ARHGAP29: variants seen among roughly 807,000 people sequenced by gnomAD.
ARHGAP29 encodes the protein rho GTPase-activating protein 29.
ARHGAP29 carries 43 observed loss-of-function variants against 122.6 expected under a neutral mutation model. The observed-to-expected ratio is 0.35, with a 90% CI of 0.27 to 0.45. The LOEUF is 0.45. ARHGAP29 is among the 20% of genes least tolerant of loss of function. ARHGAP29 has a pLI of 1.00. For missense variants in ARHGAP29, 1,303 were observed against 1,477.2 expected, an observed-to-expected ratio of 0.88 and a Z score of 1.93; for synonymous variants, 506 against 497.1, an observed-to-expected ratio of 1.02 and a Z score of -0.24.
chr1:94,209,111 G>A (rs1401846290), intron 4 of ARHGAP29, 143 bp downstream of exon 4: 3 of 775,652 alleles, frequency 3.9e-6, no homozygotes, highest in East Asian at 2.7e-5. Context: ...TAGTAATAAG[G>A]CCATACAGAA....
At chr1:94,223,291 T>C (rs1159258458) in intron 2 of ARHGAP29, among the ~76,000 whole-genome samples, 2 of 152,170 alleles carry the variant, frequency 1.3e-5, no homozygotes, top group Non-Finnish European at 2.9e-5. Flanking sequence ...TAGGTTTACT[T>C]AGTTGAGGCA....
chr1:94,186,655 G>C, intron 15 of ARHGAP29, 58 bp from the exon 16 acceptor site: 2 of 1,262,068 alleles, frequency 1.6e-6, no homozygotes, highest in Non-Finnish European at 1.1e-6. Flanking sequence ...CTTTGAAATA[G>C]GAAATGACAA....
At chr1:94,311,190 G>A in the ARHGAP29 span, among the ~76,000 whole-genome samples, 1 of 152,184 alleles carries the variant, frequency 6.6e-6, no homozygotes, top group African/African-American at 2.4e-5. Context: ...GTCTGGATGG[G>A]TAAGCCTGTC....
At chr1:94,180,467 T>C (rs1483846080) in intron 19 of ARHGAP29, among the ~76,000 whole-genome samples, 2 of 152,174 alleles carry the variant, frequency 1.3e-5, no homozygotes, top group South Asian at 4.1e-4. Context: ...AAAAGTACCT[T>C]CTCAAACTAA....
chr1:94,181,061 A>G (rs1649422660), intron 19 of ARHGAP29, among the ~76,000 whole-genome samples: 2 of 152,216 alleles, frequency 1.3e-5, no homozygotes, highest in Non-Finnish European at 1.5e-5. Context: ...TCCCACTAAA[A>G]TACAGTAAGC....
At chr1:94,274,172 C>T (rs1329597749) in intron 1 of ARHGAP29, among the ~76,000 whole-genome samples, 2 of 152,138 alleles carry the variant, frequency 1.3e-5, no homozygotes, top group Non-Finnish European at 2.9e-5. Flanking sequence ...TATAAAGAAC[C>T]AGATGTAATA....
At chr1:94,277,087 C>T (rs902073746), upstream of ARHGAP29, among the ~76,000 whole-genome samples, 7 of 152,142 alleles carry the variant, frequency 4.6e-5, no homozygotes, top group Non-Finnish European at 7.4e-5. Flanking sequence ...TAACCAGTTT[C>T]GACACAGCAG....
At chr1:94,308,519 A>G in the ARHGAP29 span, among the ~76,000 whole-genome samples, 2 of 152,174 alleles carry the variant, frequency 1.3e-5, no homozygotes, top group Admixed American at 6.5e-5. Context: ...TGTAAGGCCT[A>G]CCCTCTTTTT....
chr1:94,212,480 T>C (rs1328540199), intron 3 of ARHGAP29, among the ~76,000 whole-genome samples: 2 of 152,188 alleles, frequency 1.3e-5, no homozygotes, highest in East Asian at 1.9e-4. Context: ...ATTTATAATA[T>C]AATACCATCA....
intron 1 of ARHGAP29, among the ~76,000 whole-genome samples, chr1:94,254,371 C>T (rs1221104574): frequency 6.6e-6 from 1 of 152,194 alleles, no homozygotes; most frequent in African/African-American, 2.4e-5. Context: ...ATACCTGTTA[C>T]ATAACATCAC....
intron 12 of ARHGAP29, chr1:94,195,197 GT>G (rs1650377515): frequency 6.6e-6 from 1 of 151,994 alleles, no homozygotes; most frequent in Non-Finnish European, 1.5e-5. Context: ...CAAAATCTCA[GT>G]TTTGGTTCAT....
the ARHGAP29 span, among the ~76,000 whole-genome samples, chr1:94,304,539 G>A: frequency 3.9e-5 from 6 of 152,190 alleles, no homozygotes; most frequent in African/African-American, 1.4e-4. Context: ...CACTACTACA[G>A]TGTTTATTAT....
chr1:94,220,798 A>G (rs927521771), intron 2 of ARHGAP29, among the ~76,000 whole-genome samples: 1 of 152,176 alleles, frequency 6.6e-6, no homozygotes, highest in African/African-American at 2.4e-5. Flanking sequence ...ATACATTTTT[A>G]AAATTATGAT....
chr1:94,271,861 C>T (rs1655007670), intron 1 of ARHGAP29, among the ~76,000 whole-genome samples: 2 of 152,196 alleles, frequency 1.3e-5, no homozygotes, highest in Admixed American at 1.3e-4. Context: ...AAGACTTCCA[C>T]TGAAGTACAA....
intron 3 of ARHGAP29, 121 bp downstream of exon 3, chr1:94,220,137 T>C (rs1652203653): frequency 3.5e-6 from 4 of 1,127,534 alleles, no homozygotes; most frequent in Non-Finnish European, 5.2e-6. Context: ...ATATAACTCC[T>C]TATTAACATA....
chr1:94,199,663 T>C (rs1039328796), intron 12 of ARHGAP29, among the ~76,000 whole-genome samples: 16 of 152,198 alleles, frequency 1.1e-4, no homozygotes, highest in East Asian at 3.9e-4. Context: ...CGGGAGACCA[T>C]CCCTATGCTC....
chr1:94,231,393 G>T lies in ARHGAP29; in HGVS notation c.205+14C>A, dbSNP rs1210115824. ...AAACTATCCAGCAAGAATGCTAATA[G>T]AAAAGTGACAAACCTGAAAATATGG... is the stretch of plus-strand genomic sequence containing the variant. On this transcript the variant is annotated intron_variant, in intron 2 of 22. Transcript: ENST00000260526. The T allele has an allele frequency of 6.2e-7, 1 of 1,605,100 alleles. No individual in the cohort carries two copies. Among genetic ancestry groups the T allele is most frequent in the African/African-American group, 1.3e-5 (1 of 74,740 alleles).
chr1:94,284,232 A>C, the ARHGAP29 span, among the ~76,000 whole-genome samples: 9 of 152,208 alleles, frequency 5.9e-5, no homozygotes, highest in Non-Finnish European at 1.3e-4. Context: ...GTAATTTCTT[A>C]TGCTGAGTAT....
intron 1 of ARHGAP29, among the ~76,000 whole-genome samples, chr1:94,265,154 C>T (rs1427937761): frequency 2.0e-5 from 3 of 152,226 alleles, no homozygotes; most frequent in Non-Finnish European, 2.9e-5. Context: ...CTGTTAGGTC[C>T]TTCCTGACTC....
Sources: allele counts gnomAD v4.1 joint callset (sites outside exome capture counted in the v4.1 genomes callset), GRCh38; gene constraint gnomAD v4.1.1; transcripts MANE v1.5; gene names NCBI Gene and HGNC (gene_info 2026-07-23, HGNC 2026-07-21).